CHD6: variants seen among roughly 807,000 people sequenced by gnomAD.
CHD6 encodes the protein ATP-dependent chromatin remodeler CHD6.
In CHD6, 50 loss-of-function variants were observed where a neutral mutation model predicts 276.9. That is an observed-to-expected ratio of 0.18 (90% CI 0.14 to 0.23). CHD6 has a LOEUF of 0.23. Ranked by LOEUF, CHD6 falls within the 10% of genes least tolerant of loss-of-function variation. The pLI, the probability that CHD6 is intolerant of heterozygous loss-of-function variation, is 1.00. For synonymous variants in CHD6, 1,173 were observed against 1,229.3 expected, an observed-to-expected ratio of 0.95 and a Z score of 0.96; for missense variants, 2,564 against 3,365.8, an observed-to-expected ratio of 0.76 and a Z score of 5.89.
intron 1 of CHD6, among the ~76,000 whole-genome samples, chr20:41,571,076 T>C (rs1459661670): frequency 6.6e-6 from 1 of 152,170 alleles, no homozygotes; most frequent in Non-Finnish European, 1.5e-5. Flanking sequence ...TTGTTATCAT[T>C]AACTCCTATA....
intron 9 of CHD6, 48 bp from the exon 10 acceptor site, chr20:41,493,720 A>G (rs759015844): frequency 1.2e-6 from 2 of 1,605,660 alleles, no homozygotes; most frequent in African/African-American, 2.7e-5. Flanking sequence ...AGGTTAAAGG[A>G]GTCAGTAGTA....
In CHD6 at chr20:41,473,259, C is replaced by T; in HGVS notation, c.2664+63G>A. 1 of 1,510,470 alleles carries T rather than the reference C, an allele frequency of 6.6e-7. No individual in the cohort carries two copies. Among genetic ancestry groups the T allele is most frequent in the Middle Eastern group, 2.2e-4 (1 of 4,584 alleles). The allele number at this position is 1,510,470 out of a possible 1,614,324, so 93.6% of individuals were successfully genotyped here. A position where few individuals can be genotyped will look rare whatever the true frequency, so the allele number is the denominator to read the frequency against. On this transcript the variant is annotated intron_variant, in intron 17 of 36. Transcript: ENST00000373233. This position sits in a 1 kb window ranked among gnomAD's most constrained non-coding sequence, Gnocchi z 4.1. ...ACGGATGCTCTGTAGCCAAGCCAGG[C>T]CCTATCATGATGTTCTGGGATCCAG...
At chr20:41,539,742 T>C (rs893581365) in intron 2 of CHD6, among the ~76,000 whole-genome samples, 3 of 152,230 alleles carry the variant, frequency 2.0e-5, no homozygotes, top group African/African-American at 4.8e-5. Flanking sequence ...CAAAGGATTA[T>C]ATATAAGAAT....
rs910713736 is a variant in CHD6 at position 41,571,701 on chromosome 20, T to TA, written c.-23-20342dup. 4.4e-4 allele frequency among the ~76,000 whole-genome samples: 65 copies of TA among 147,836 alleles called. 1 individual carries two copies. The highest frequency in any genetic ancestry group is 2.8e-3 in the South Asian group (13 of 4,696). On this transcript the variant is annotated intron_variant, in intron 1 of 36. Coordinates refer to ENST00000373233, the MANE Select transcript of CHD6 (RefSeq NM_032221.5). ...CAACCTTCATATGGTTTTTAAACAT[T>TA]AAAAAAAAAAGGATGAGATACCCTG...
intron 25 of CHD6, among the ~76,000 whole-genome samples, chr20:41,442,282 A>G: frequency 6.6e-6 from 1 of 151,490 alleles, no homozygotes; most frequent in East Asian, 1.9e-4. Context: ...CCCTCTCTAC[A>G]AAAAATTAAA....
intron 1 of CHD6, among the ~76,000 whole-genome samples, chr20:41,618,061 G>C (rs988089233): frequency 2.0e-5 from 3 of 148,524 alleles, no homozygotes; most frequent in African/African-American, 7.3e-5. Flanking sequence ...ACGGCCGCCC[G>C]GCCCGAGCGA....
chr20:41,419,512 G>A (rs1451026627), intron 31 of CHD6, among the ~76,000 whole-genome samples: 6 of 119,922 alleles, frequency 5.0e-5, no homozygotes, highest in Non-Finnish European at 9.6e-5. Context: ...CTGAGATTGC[G>A]CCACTGCACT....
chr20:41,599,446 C>T (rs144893097), intron 1 of CHD6, among the ~76,000 whole-genome samples: 8 of 152,102 alleles, frequency 5.3e-5, no homozygotes, highest in Non-Finnish European at 1.0e-4. Context: ...ATCTTTACCC[C>T]CCTTGCAATT....
intron 30 of CHD6, among the ~76,000 whole-genome samples, chr20:41,422,974 G>A (rs1290023627): frequency 2.0e-5 from 3 of 152,174 alleles, no homozygotes; most frequent in African/African-American, 7.2e-5. Context: ...CTACAAATAC[G>A]AGGCTACAGG....
intron 27 of CHD6, among the ~76,000 whole-genome samples, chr20:41,435,581 G>A (rs1184747300): frequency 6.9e-6 from 1 of 145,310 alleles, no homozygotes; most frequent in African/African-American, 2.6e-5. Flanking sequence ...TCCAGTCTAG[G>A]TGAAAGAGTG....
chr20:41,506,736 C>T (rs1425607699), intron 5 of CHD6, among the ~76,000 whole-genome samples: 1 of 152,178 alleles, frequency 6.6e-6, no homozygotes, highest in Non-Finnish European at 1.5e-5. Flanking sequence ...CAAAATCTGG[C>T]AAACACTGGA....
chr20:41,470,270 CTAAT>C lies in CHD6; in HGVS notation c.2664+3048_2664+3051del, dbSNP rs1442659153. 2.6e-5 allele frequency among the ~76,000 whole-genome samples: 4 copies of C among 152,092 alleles called. No individual in the cohort carries two copies. The East Asian group carries it at 7.7e-4, about 29-fold the overall frequency. On this transcript the variant is annotated intron_variant, in intron 17 of 36. Coordinates refer to ENST00000373233, the MANE Select transcript of CHD6 (RefSeq NM_032221.5). ...TTTTATAGCCCACCAGTCCCACTAA[CTAAT>C]AGCCACTCTTCTAGTCCCCTGTCCT...
intron 3 of CHD6, among the ~76,000 whole-genome samples, chr20:41,517,113 G>A (rs933192348): frequency 4.6e-5 from 7 of 152,182 alleles, no homozygotes; most frequent in Non-Finnish European, 1.0e-4. Flanking sequence ...TCCCCAGGCT[G>A]GAGACGGGCT....
intron 3 of CHD6, among the ~76,000 whole-genome samples, chr20:41,520,601 A>T (rs1443510383): frequency 6.8e-6 from 1 of 148,048 alleles, no homozygotes; most frequent in African/African-American, 2.5e-5. Context: ...GTTCTCACTC[A>T]TAGGTGGGAA....
intron 16 of CHD6, 96 bp downstream of exon 16, chr20:41,483,213 T>C: frequency 9.0e-7 from 1 of 1,113,380 alleles, no homozygotes; most frequent in Non-Finnish European, 1.3e-6. Flanking sequence ...TTTTTGAATG[T>C]TTTGTGTTTA....
chr20:41,450,847 G>T, intron 23 of CHD6, 99 bp downstream of exon 23: 1 of 1,104,946 alleles, frequency 9.1e-7, no homozygotes, highest in African/African-American at 1.6e-5. Flanking sequence ...TTGCACAGAA[G>T]TAGCACAAGA....
Position 41,452,132 on chromosome 20 carries a change from G to A in CHD6, c.3324-107C>T. The A allele has an allele frequency of 1.2e-6, 1 of 858,566 alleles. No individual in the cohort carries two copies. The highest frequency in any genetic ancestry group is 1.9e-6 in the Non-Finnish European group (1 of 525,792). The allele number at this position is 858,566 out of a possible 1,614,324, so 53.2% of individuals were successfully genotyped here. A position where few individuals can be genotyped will look rare whatever the true frequency, so the allele number is the denominator to read the frequency against. On this transcript the variant is annotated intron_variant, in intron 21 of 36. Coordinates refer to ENST00000373233, the MANE Select transcript of CHD6 (RefSeq NM_032221.5). The surrounding 1 kb of genome is among the most constrained non-coding windows in gnomAD (Gnocchi z 4.2). ...GAGCCATACATGCTTTTTGTTCTCT[G>A]TAGGTCTGTTAATCATCCCAAGGGC...
chr20:41,618,057 G>A (rs2045952817), intron 1 of CHD6, among the ~76,000 whole-genome samples: 2 of 148,376 alleles, frequency 1.3e-5, no homozygotes, highest in Admixed American at 6.7e-5. Context: ...AAGGACGGCC[G>A]CCCGGCCCGA....
Position 41,550,311 on chromosome 20 carries a change from C to T in CHD6, c.33+994G>A, listed in dbSNP as rs572759195. Among the ~76,000 whole-genome samples the T allele has an allele frequency of 3.9e-5, 6 of 152,312 alleles. No individual in the cohort carries two copies. In the South Asian group the frequency reaches 8.3e-4, roughly 21 times the overall value. On this transcript the variant is annotated intron_variant, in intron 2 of 36. Coordinates refer to ENST00000373233, the MANE Select transcript of CHD6 (RefSeq NM_032221.5). The stretch of plus-strand genomic sequence containing the variant: ...GTACATCGAACTGCATTCCATGTAG[C>T]GTCTGCCTATCAGCTGACAACTCTT...
Sources: allele counts gnomAD v4.1 joint callset (sites outside exome capture counted in the v4.1 genomes callset), GRCh38; gene constraint gnomAD v4.1.1; non-coding constraint Gnocchi (gnomAD v3.1); transcripts MANE v1.5; gene names NCBI Gene and HGNC (gene_info 2026-07-23, HGNC 2026-07-21).